The following MYO6 variants were observed in gnomAD, a reference collection of about 807,000 sequenced individuals.
The protein encoded by MYO6 is myosin VI, also known as unconventional myosin-VI.
In MYO6, 74 loss-of-function variants were observed where a neutral mutation model predicts 178.7. The ratio of observed to expected loss-of-function variants is 0.41; its 90% CI spans 0.34 to 0.50. MYO6 has a LOEUF of 0.50. Ranked by LOEUF, MYO6 falls within the 20% of genes least tolerant of loss-of-function variation. The pLI is 0.09. For missense variants in MYO6, 1,330 were observed against 1,547.4 expected (o/e 0.86, Z 2.36); for synonymous variants, 477 against 504.6 (o/e 0.95, Z 0.73).
chr6:75,906,601 G>C (rs922560610), intron 30 of MYO6, among the ~76,000 whole-genome samples: 5 of 152,078 alleles, frequency 3.3e-5, no homozygotes, highest in African/African-American at 9.7e-5. Context: ...GCTTGAGCCC[G>C]GGTGGTGGAG....
At chr6:75,809,255 C>A (rs1418001601) in intron 1 of MYO6, among the ~76,000 whole-genome samples, 1 of 152,118 alleles carries the variant, frequency 6.6e-6, no homozygotes, top group Non-Finnish European at 1.5e-5. Context: ...TGTTGGGGTT[C>A]CGAGATTTTT....
At chr6:75,910,411 A>G (rs1247915658) in intron 32 of MYO6, among the ~76,000 whole-genome samples, 2 of 152,280 alleles carry the variant, frequency 1.3e-5, no homozygotes, top group African/African-American at 2.4e-5. Context: ...TTGTGACTCA[A>G]ACTTTGATAC....
intron 30 of MYO6, among the ~76,000 whole-genome samples, chr6:75,904,607 G>A (rs1361485545): frequency 6.6e-6 from 1 of 152,056 alleles, no homozygotes; most frequent in Non-Finnish European, 1.5e-5. Context: ...CTCTGTATTG[G>A]TTATTCTAGT....
In MYO6 at chr6:75,919,150, T is replaced by A. The variant is rs1397530664; in HGVS notation, c.*4138T>A. Reference sequence around the variant, plus strand: ...ATAAAATAGATTTAGGGGGTACAAGTGCAGTTTTGTTACATGGGTATATTG... The same window carrying A: ...ATAAAATAGATTTAGGGGGTACAAGAGCAGTTTTGTTACATGGGTATATTG... On this transcript the variant is annotated 3_prime_UTR_variant, in exon 35 of 35. Coordinates refer to ENST00000369977, the MANE Select transcript of MYO6 (RefSeq NM_004999.4). 1 of 152,110 alleles carries A rather than the reference T, an allele frequency of 6.6e-6. No homozygotes were observed. Among genetic ancestry groups the A allele is most frequent in the African/African-American group, 2.4e-5 (1 of 41,402 alleles). The allele number at this position is 152,110 out of a possible 1,614,324, so 9.4% of individuals were successfully genotyped here. A position where few individuals can be genotyped will look rare whatever the true frequency, so the allele number is the denominator to read the frequency against.
At chr6:75,765,311 G>T (rs1445675927) in intron 1 of MYO6, among the ~76,000 whole-genome samples, 2 of 150,766 alleles carry the variant, frequency 1.3e-5, no homozygotes, top group African/African-American at 4.9e-5. Flanking sequence ...CAAGTAGCTG[G>T]GACTACAGGT....
intron 1 of MYO6, among the ~76,000 whole-genome samples, chr6:75,804,903 T>A (rs1769859324): frequency 6.8e-6 from 1 of 147,708 alleles, no homozygotes; most frequent in African/African-American, 2.5e-5. Flanking sequence ...TATATATACA[T>A]ATATACACAC....
rs200437589 is a variant in MYO6, at chr6:75,761,454, C to CT, written c.-48+12039dup. Among the ~76,000 whole-genome samples the CT allele has an allele frequency of 4.6e-5, 7 of 151,554 alleles. No homozygotes were observed. In the East Asian group the frequency reaches 5.8e-4, roughly 13 times the overall value. On this transcript the variant is annotated intron_variant, in intron 1 of 34. Coordinates refer to ENST00000369977, the MANE Select transcript of MYO6 (RefSeq NM_004999.4). ...ATAGGGATGCATTCTACTAATAAGC[C>CT]TTTTTTTTGGAAGGAAAGTGAGGAT...
intron 33 of MYO6, 29 bp downstream of exon 33, chr6:75,911,727 T>TAACTGGAGTTAGCTGGGTTA: frequency 1.9e-6 from 3 of 1,604,808 alleles, no homozygotes; most frequent in Non-Finnish European, 2.6e-6. Context: ...ACTCATGAGC[T>TAACTGGAGTTAGCTGGGTTA]AACTGGAAGA....
chr6:75,845,425 G>T (rs943331243), intron 10 of MYO6, among the ~76,000 whole-genome samples: 1 of 152,168 alleles, frequency 6.6e-6, no homozygotes, highest in African/African-American at 2.4e-5. Flanking sequence ...AGGCGTGGTG[G>T]CTCACACCTG....
At chr6:75,795,849 C>T (rs1317705264) in intron 1 of MYO6, among the ~76,000 whole-genome samples, 1 of 152,140 alleles carries the variant, frequency 6.6e-6, no homozygotes, top group Non-Finnish European at 1.5e-5. Flanking sequence ...AGGGTATTTA[C>T]ATTCCAACAG....
At chr6:75,866,233 G>GT (rs982563636) in intron 16 of MYO6, among the ~76,000 whole-genome samples, 30 of 148,194 alleles carry the variant, frequency 2.0e-4, no homozygotes, top group African/African-American at 4.7e-4. Context: ...TTTAAATTGT[G>GT]TTTTTTTTTG....
At position 75,915,093 on chromosome 6, in the gene MYO6, A is replaced by G. The variant is rs1054395048; in HGVS notation, c.*81A>G. ...GTGTGCCCCCAGATTTAACCATTCCATAATCATGTTAGAGTTACTTCTATA... is the reference window on the plus strand; with the variant it reads ...GTGTGCCCCCAGATTTAACCATTCCGTAATCATGTTAGAGTTACTTCTATA... On this transcript the variant is annotated 3_prime_UTR_variant, in exon 35 of 35. Transcript: ENST00000369977. 9.3e-6 allele frequency: 12 copies of G among 1,286,800 alleles called. No individual in the cohort carries two copies. The highest frequency in any genetic ancestry group is 1.2e-5 in the Non-Finnish European group (11 of 909,596). The allele number at this position is 1,286,800 out of a possible 1,614,324, so 79.7% of individuals were successfully genotyped here. A position where few individuals can be genotyped will look rare whatever the true frequency, so the allele number is the denominator to read the frequency against.
At chr6:75,898,269 A>C in intron 29 of MYO6, 104 bp from the exon 30 acceptor site, 2 of 756,286 alleles carry the variant, frequency 2.6e-6, no homozygotes, top group Non-Finnish European at 4.2e-6. Flanking sequence ...ACAGTTGTTA[A>C]ATAATATTGA....
intron 11 of MYO6, among the ~76,000 whole-genome samples, chr6:75,853,528 T>A (rs970782585): frequency 1.3e-5 from 2 of 152,156 alleles, no homozygotes; most frequent in African/African-American, 4.8e-5. Flanking sequence ...GAGGAAGGGG[T>A]CCAGCTTCAT....
At chr6:75,914,380 T>TA in intron 34 of MYO6, 99 bp downstream of exon 34, 1 of 1,257,006 alleles carries the variant, frequency 8.0e-7, no homozygotes, top group African/African-American at 1.5e-5. Context: ...TTTATTACAT[T>TA]TCAGGGTTGA....
intron 11 of MYO6, among the ~76,000 whole-genome samples, chr6:75,853,355 G>GT (rs1775450015): frequency 2.6e-5 from 4 of 152,130 alleles, no homozygotes; most frequent in Admixed American, 1.3e-4. Flanking sequence ...TAATTTATCT[G>GT]TTTTTTCTTT....
Position 75,915,077 on chromosome 6 carries a change from C to T in MYO6, c.*65C>T, listed in dbSNP as rs1781051543. On this transcript the variant is annotated 3_prime_UTR_variant, in exon 35 of 35. Coordinates refer to ENST00000369977, the MANE Select transcript of MYO6 (RefSeq NM_004999.4). ...GGTACTTAGGTAGGGTGTGTGCCCC[C>T]AGATTTAACCATTCCATAATCATGT... 1 of 1,380,424 alleles carries T rather than the reference C, an allele frequency of 7.2e-7. No homozygotes were observed. The highest frequency in any genetic ancestry group is 1.9e-5 in the Admixed American group (1 of 51,826). 85.5% of individuals were successfully genotyped at this position (1,380,424 alleles called of 1,614,324 possible).
Position 75,855,268 on chromosome 6 carries a change from A to C in MYO6, c.1208A>C (p.Lys403Thr), listed in dbSNP as rs538559022. 1.2e-6 allele frequency: 2 copies of C among 1,613,608 alleles called. No individual in the cohort carries two copies. The highest frequency in any genetic ancestry group is 2.7e-5 in the African/African-American group (2 of 75,032). ...ATGCTAACAACAGCAGGGGGCACCA[A>C]AGGAACAGTTATAAAGTAAGTTCCT... ...RVMLTTAGGT[K>T]GTVIKVPLKV... Residue 403 changes from lysine to threonine, a missense_variant, in exon 12 of 35, where the codon AAA becomes ACA. Physicochemically the swap from Lys to Thr is moderately conservative, Grantham distance 78. Around this residue, in one of 3 missense-constraint regions of MYO6, gnomAD observed 613 missense variants for 816.8 expected, o/e 0.75. Transcript: ENST00000369977.
At chr6:75,892,785 A>C in intron 28 of MYO6, 95 bp downstream of exon 28, 1 of 1,336,074 alleles carries the variant, frequency 7.5e-7, no homozygotes, top group Non-Finnish European at 1.0e-6. Flanking sequence ...AGGAGAAAAT[A>C]ATATTCTGAA....
Sources: allele counts gnomAD v4.1 joint callset (sites outside exome capture counted in the v4.1 genomes callset), GRCh38; gene constraint gnomAD v4.1.1; regional missense constraint gnomAD v4.1.1; transcripts MANE v1.5; gene names NCBI Gene and HGNC (gene_info 2026-07-23, HGNC 2026-07-21).